XIRP2: variants seen among roughly 807,000 people sequenced by gnomAD.
The protein encoded by XIRP2 is xin actin binding repeat containing 2.
In XIRP2, 236 loss-of-function variants were observed where a neutral mutation model predicts 277.0. The ratio of observed to expected loss-of-function variants is 0.85; its 90% CI spans 0.77 to 0.95. XIRP2 has a LOEUF of 0.95. XIRP2 is among the 40% of genes least tolerant of loss of function. XIRP2 has a pLI of 0.00. For synonymous variants in XIRP2, 1,490 were observed against 1,416.5 expected (o/e 1.05, Z -1.17); for missense variants, 4,640 against 4,157.5 (o/e 1.12, Z -3.19).
At chr2:167,252,777 C>A (rs972434065) in intron 9 of XIRP2, among the ~76,000 whole-genome samples, 1 of 151,976 alleles carries the variant, frequency 6.6e-6, no homozygotes, top group East Asian at 1.9e-4. Context: ...TTAGTCCATT[C>A]TTTTAGACAG....
intron 3 of XIRP2, among the ~76,000 whole-genome samples, chr2:167,197,143 A>G (rs1343329485): frequency 6.6e-6 from 1 of 152,214 alleles, no homozygotes; most frequent in Non-Finnish European, 1.5e-5. Context: ...TTTTGGGTGA[A>G]GAGCTGAATT....
At chr2:167,185,671 A>G (rs984153924) in intron 3 of XIRP2, among the ~76,000 whole-genome samples, 3 of 152,176 alleles carry the variant, frequency 2.0e-5, no homozygotes, top group African/African-American at 7.2e-5. Context: ...CTATGTTTAC[A>G]TTGTAGGATC....
intron 2 of XIRP2, among the ~76,000 whole-genome samples, chr2:166,906,316 G>A (rs938615133): frequency 6.6e-6 from 1 of 151,796 alleles, no homozygotes; most frequent in Admixed American, 6.6e-5. Context: ...ATTTTTAAAG[G>A]TATGGAATAT....
intron 2 of XIRP2, among the ~76,000 whole-genome samples, chr2:167,133,609 A>G (rs1369483426): frequency 6.6e-6 from 1 of 152,238 alleles, no homozygotes; most frequent in East Asian, 1.9e-4. Context: ...GTCTGAGTCC[A>G]TGGACCATGT....
At chr2:167,029,973 C>A (rs1046697966) in intron 2 of XIRP2, among the ~76,000 whole-genome samples, 2 of 151,990 alleles carry the variant, frequency 1.3e-5, no homozygotes, top group African/African-American at 4.8e-5. Flanking sequence ...TTATCTTTTT[C>A]TTATAGATTT....
At chr2:166,919,919 AT>A (rs1231732515) in intron 2 of XIRP2, among the ~76,000 whole-genome samples, 1 of 152,176 alleles carries the variant, frequency 6.6e-6, no homozygotes, top group Non-Finnish European at 1.5e-5. Flanking sequence ...ATATGCACCA[AT>A]GTCTCAAAAA....
In XIRP2 at chr2:167,259,111, T is replaced by A; in HGVS notation, c.*1294T>A. On this transcript the variant is annotated 3_prime_UTR_variant, in exon 11 of 11. Coordinates refer to ENST00000409195, the MANE Select transcript of XIRP2 (RefSeq NM_152381.6). ...CCAAGAAAAATGAGAACATTTTCAA[T>A]TGTGATTTAATAGATTCTGTAGATC... The A allele has an allele frequency of 1.2e-6, 2 of 1,611,608 alleles. No individual in the cohort carries two copies. Among genetic ancestry groups the A allele is most frequent in the Non-Finnish European group, 8.5e-7 (1 of 1,178,244 alleles).
Position 167,254,295 on chromosome 2 carries a change from G to T in XIRP2, c.*39+130G>T. 3.5e-6 allele frequency: 4 copies of T among 1,130,578 alleles called. No homozygotes were observed. In the South Asian group the frequency reaches 1.2e-4, roughly 33 times the overall value. The allele number at this position is 1,130,578 out of a possible 1,614,324, so 70.0% of individuals were successfully genotyped here. On this transcript the variant is annotated intron_variant, in intron 10 of 10. Coordinates refer to ENST00000409195, the MANE Select transcript of XIRP2 (RefSeq NM_152381.6). ...GTCAGTTAACACAACCACACAGGGA[G>T]ATTTGCTCATGTTCTGTGATGTATT...
rs2105372538 is a variant in XIRP2, at chr2:167,196,852, G to A, written c.563-13883G>A. Among the ~76,000 whole-genome samples the A allele has an allele frequency of 2.6e-5, 4 of 152,228 alleles. No homozygotes were observed. The Middle Eastern group carries it at 0.01, about 388-fold the overall frequency. On this transcript the variant is annotated intron_variant, in intron 3 of 10. Transcript: ENST00000409195. ...GTGGGTTGGTTGTGCGTAGGTATGTGTGTGGAGTGGGGTGGGTGTTTTCAT... is the reference window on the plus strand; with the variant it reads ...GTGGGTTGGTTGTGCGTAGGTATGTATGTGGAGTGGGGTGGGTGTTTTCAT...
chr2:167,146,733 C>A (rs920830705), intron 3 of XIRP2, among the ~76,000 whole-genome samples: 4 of 151,924 alleles, frequency 2.6e-5, no homozygotes, highest in Non-Finnish European at 4.4e-5. Context: ...CAGTTAGGTC[C>A]TTTAAACCTA....
chr2:166,900,870 G>A (rs1684369552), intron 1 of XIRP2, among the ~76,000 whole-genome samples: 1 of 152,100 alleles, frequency 6.6e-6, no homozygotes, highest in Admixed American at 6.6e-5. Context: ...CCGCTAGGTG[G>A]GGTAGAAGTA....
Position 167,247,692 on chromosome 2 carries a change from G to C in XIRP2, c.6300G>C (p.Arg2100Ser). Reference protein sequence around the residue: ...KNNLTTKESDRAVRELKKDDV... With the variant: ...KNNLTTKESDSAVRELKKDDV... ...ATCTAACAACTAAAGAATCAGACAG[G>C]GCAGTGAGAGAGCTGAAGAAGGATG... Residue 2100 changes from arginine to serine, a missense_variant, in exon 9 of 11, where the codon AGG becomes AGC. Physicochemically the swap from Arg to Ser is moderately radical, Grantham distance 110. Transcript: ENST00000409195. The C allele has an allele frequency of 6.2e-7, 1 of 1,613,592 alleles. No homozygotes were observed. The highest frequency in any genetic ancestry group is 8.5e-7 in the Non-Finnish European group (1 of 1,179,714).
At chr2:167,168,477 A>G (rs914178580) in intron 3 of XIRP2, among the ~76,000 whole-genome samples, 2 of 151,838 alleles carry the variant, frequency 1.3e-5, no homozygotes, top group African/African-American at 4.8e-5. Context: ...GTCTATTGAG[A>G]TATTCTCAAC....
chr2:166,965,574 G>A (rs1558932329), intron 2 of XIRP2, among the ~76,000 whole-genome samples: 1 of 151,586 alleles, frequency 6.6e-6, no homozygotes, highest in East Asian at 1.9e-4. Context: ...GTTTTTTTGT[G>A]TTTGTTGTTT....
intron 3 of XIRP2, among the ~76,000 whole-genome samples, chr2:167,196,939 T>A (rs1271313228): frequency 7.9e-5 from 12 of 152,150 alleles, no homozygotes; most frequent in Non-Finnish European, 1.8e-4. Context: ...GACTGAAATA[T>A]GATGGAGACA....
intron 3 of XIRP2, among the ~76,000 whole-genome samples, chr2:167,208,990 A>C (rs545337545): frequency 6.6e-6 from 1 of 152,326 alleles, no homozygotes; most frequent in South Asian, 2.1e-4. Flanking sequence ...CAGCATGTGA[A>C]AGTCTTTCAG....
chr2:167,176,458 A>G (rs1258421273), intron 3 of XIRP2, among the ~76,000 whole-genome samples: 1 of 152,272 alleles, frequency 6.6e-6, no homozygotes, highest in East Asian at 1.9e-4. Flanking sequence ...CCATCTTGCC[A>G]GTCCCCTCTC....
At chr2:167,200,732 G>C (rs1393880297) in intron 3 of XIRP2, among the ~76,000 whole-genome samples, 3 of 151,984 alleles carry the variant, frequency 2.0e-5, no homozygotes, top group Non-Finnish European at 4.4e-5. Context: ...TGACTATAAT[G>C]GTGATTAATT....
At chr2:167,131,667 A>G (rs545550810) in intron 2 of XIRP2, among the ~76,000 whole-genome samples, 1 of 152,242 alleles carries the variant, frequency 6.6e-6, no homozygotes, top group African/African-American at 2.4e-5. Flanking sequence ...CCATCCATTT[A>G]ATGTTGGCAT....
Sources: gnomAD v4.1 joint callset for allele counts (sites outside exome capture counted in the v4.1 genomes callset) on GRCh38, gnomAD v4.1.1 for gene constraint, MANE v1.5 for transcripts, NCBI Gene and HGNC (gene_info 2026-07-23, HGNC 2026-07-21) for gene names.